SIRT1: variants seen among roughly 807,000 people sequenced by gnomAD.
SIRT1 encodes sirtuin 1.
SIRT1 carries 24 observed loss-of-function variants against 67.9 expected under a neutral mutation model. The observed-to-expected ratio is 0.35, with a 90% CI of 0.26 to 0.50. SIRT1 has a LOEUF of 0.50. Among genes scored for constraint, SIRT1 ranks in the 20% least tolerant of loss-of-function variants. The probability of loss-of-function intolerance (pLI) is 0.98; values close to 1 mark genes in which losing one functional copy is unlikely to be tolerated. For synonymous variants in SIRT1, 378 were observed against 350.7 expected (o/e 1.08, Z -0.87); for missense variants, 873 against 937.2 (o/e 0.93, Z 0.89).
At chr10:67,906,730 A>G (rs1842825536) in intron 4 of SIRT1, 60 bp from the exon 5 acceptor site, 3 of 1,510,854 alleles carry the variant, frequency 2.0e-6, no homozygotes, top group African/African-American at 1.4e-5. Context: ...TTTGTTAAAC[A>G]TATGACATCT....
intron 4 of SIRT1, 120 bp downstream of exon 4, chr10:67,891,674 C>T (rs561753733): frequency 3.6e-5 from 35 of 967,550 alleles, no homozygotes; most frequent in African/African-American, 3.4e-4. Flanking sequence ...GCTACTGTGG[C>T]GGAGTAAGAT....
intron 5 of SIRT1, among the ~76,000 whole-genome samples, chr10:67,907,236 T>G (rs1227373904): frequency 6.6e-6 from 1 of 152,234 alleles, no homozygotes; most frequent in Non-Finnish European, 1.5e-5. Flanking sequence ...GGCTCACGCC[T>G]GTAATCCTAG....
rs1370662731 is a variant in SIRT1 at position 67,917,157 on chromosome 10, AGT to A, written c.*568_*569del. 1 of 152,670 alleles carries A rather than the reference AGT, an allele frequency of 6.6e-6. No individual in the cohort carries two copies. The highest frequency in any genetic ancestry group is 2.4e-5 in the African/African-American group (1 of 41,460). The allele number at this position is 152,670 out of a possible 1,614,324, so 9.5% of individuals were successfully genotyped here. On this transcript the variant is annotated 3_prime_UTR_variant, in exon 9 of 9. Transcript: ENST00000212015. ...CTTTTTAAAATCTCAAATGACATGC[AGT>A]GTGAGTAGAAGGAAGTCAACAATAT...
chr10:67,912,415 G>GT (rs1842913670), intron 7 of SIRT1, 59 bp from the exon 8 acceptor site: 1 of 1,460,222 alleles, frequency 6.8e-7, no homozygotes, highest in Non-Finnish European at 9.2e-7. Context: ...ATCTGTTGTG[G>GT]TTTTATTAGC....
rs1469107789 is a variant in SIRT1, at chr10:67,885,111, G to A, written c.390G>A (p.Glu130=). 9.7e-6 allele frequency: 14 copies of A among 1,443,352 alleles called. No individual in the cohort carries two copies. In the East Asian group the frequency reaches 3.3e-4, roughly 34 times the overall value. 89.4% of individuals were successfully genotyped at this position (1,443,352 alleles called of 1,614,324 possible). ...ACGAAGACGACGACGACGAGGGCGA[G>A]GAGGAGGAAGAGGCGGCGGCGGCGG... ...LYDEDDDDEG[E]EEEEAAAAAI... The change falls in exon 1 of 9, where the codon GAG becomes GAA. Residue 130 remains glutamate, a synonymous_variant. Coordinates refer to ENST00000212015, the MANE Select transcript of SIRT1 (RefSeq NM_012238.5).
At chr10:67,904,855 AAAAAAGC>A (rs1410048160) in intron 4 of SIRT1, among the ~76,000 whole-genome samples, 1 of 152,092 alleles carries the variant, frequency 6.6e-6, no homozygotes, top group African/African-American at 2.4e-5. Context: ...AAAAAAAAAA[AAAAAAGC>A]AGGCTTATAA....
chr10:67,912,083 G>A (rs1031099677), intron 7 of SIRT1, among the ~76,000 whole-genome samples: 11 of 152,076 alleles, frequency 7.2e-5, no homozygotes, highest in African/African-American at 2.7e-4. Flanking sequence ...TATATCAGGA[G>A]CTACTTAAGT....
intron 7 of SIRT1, among the ~76,000 whole-genome samples, chr10:67,911,512 A>G (rs1466289210): frequency 6.6e-6 from 1 of 151,950 alleles, no homozygotes; most frequent in Non-Finnish European, 1.5e-5. Flanking sequence ...TTTTCTTTCA[A>G]AAGCTTTCTG....
intron 5 of SIRT1, 65 bp from the exon 6 acceptor site, chr10:67,907,981 T>C (rs1842846260): frequency 1.5e-6 from 2 of 1,320,448 alleles, no homozygotes; most frequent in Non-Finnish European, 2.2e-6. Flanking sequence ...TTTATAACGT[T>C]TGTGGTGTGT....
rs1842501538 is a variant in SIRT1, at chr10:67,887,450, A to T, written c.464A>T (p.Asn155Ile). 1 of 1,613,764 alleles carries T rather than the reference A, an allele frequency of 6.2e-7. No homozygotes were observed. The highest frequency in any genetic ancestry group is 8.5e-7 in the Non-Finnish European group (1 of 1,179,752). Reference protein sequence around the residue: ...NLLFGDEIITNGFHSCESDEE... With the variant: ...NLLFGDEIITIGFHSCESDEE... ...CTGTTCGGTGATGAAATTATCACTA[A>T]TGGTTTTCATTCCTGTGAAAGTGAT... is the stretch of plus-strand genomic sequence containing the variant. The change falls in exon 2 of 9, where the codon AAT becomes ATT. Residue 155 changes from asparagine to isoleucine, a missense_variant. Asn to Ile is a moderately radical substitution (Grantham distance 149, BLOSUM62 -3). Coordinates refer to ENST00000212015, the MANE Select transcript of SIRT1 (RefSeq NM_012238.5).
rs144564935 is a variant in SIRT1, at chr10:67,903,353, T to C, written c.943-3437T>C. 2.0e-3 allele frequency among the ~76,000 whole-genome samples: 300 copies of C among 151,944 alleles called. 2 individuals carry two copies. The highest frequency in any genetic ancestry group is 6.9e-3 in the African/African-American group (286 of 41,400). On this transcript the variant is annotated intron_variant, in intron 4 of 8. Transcript: ENST00000212015. ...GAAATTTGGAGAAGAAAGAAAGGCA[T>C]AATCTCTGCAGAAAAGCCATTATTT...
At chr10:67,914,349 C>T (rs182997902) in intron 8 of SIRT1, among the ~76,000 whole-genome samples, 36 of 152,114 alleles carry the variant, frequency 2.4e-4, no homozygotes, top group African/African-American at 7.2e-4. Context: ...GAATTACAGG[C>T]GTGAGCCACG....
chr10:67,889,154 A>G (rs770792172), intron 3 of SIRT1, 31 bp downstream of exon 3: 4 of 1,554,278 alleles, frequency 2.6e-6, no homozygotes, highest in Admixed American at 1.9e-5. Context: ...GGGAGGTCGT[A>G]TATGTATTTT....
chr10:67,885,287 T>G (rs1011259857), intron 1 of SIRT1, 136 bp downstream of exon 1: 2 of 1,242,742 alleles, frequency 1.6e-6, no homozygotes, highest in African/African-American at 3.1e-5. Context: ...GGCCCTCCGT[T>G]CAGCCGCGCT....
intron 4 of SIRT1, among the ~76,000 whole-genome samples, chr10:67,895,760 T>TTTTTTG (rs1459241769): frequency 7.3e-6 from 1 of 137,048 alleles, no homozygotes; most frequent in Non-Finnish European, 1.5e-5. Flanking sequence ...TTTTTTTTTT[T>TTTTTTG]GAGACAGTTT....
In SIRT1 at chr10:67,891,464, T is replaced by C; in HGVS notation, c.852T>C (p.Ala284=). 6.2e-7 allele frequency: 1 copy of C among 1,614,170 alleles called. No individual in the cohort carries two copies. Among genetic ancestry groups the C allele is most frequent in the Non-Finnish European group, 8.5e-7 (1 of 1,179,998 alleles). ...RSRDGIYARL[A]VDFPDLPDPQ... The stretch of plus-strand genomic sequence containing the variant: ...GGGATGGTATTTATGCTCGCCTTGC[T>C]GTAGACTTCCCAGATCTTCCAGATC... Residue 284 remains alanine, a synonymous_variant, in exon 4 of 9, where the codon GCT becomes GCC. Coordinates refer to ENST00000212015, the MANE Select transcript of SIRT1 (RefSeq NM_012238.5).
At chr10:67,895,742 T>TTTG (rs1842646423) in intron 4 of SIRT1, among the ~76,000 whole-genome samples, 1 of 88,906 alleles carries the variant, frequency 1.1e-5, no homozygotes, top group Non-Finnish European at 2.3e-5. Context: ...TGTTTTTTTT[T>TTTG]TTTTTGTTTT....
intron 3 of SIRT1, 100 bp downstream of exon 3, chr10:67,889,223 G>A: frequency 1.5e-6 from 2 of 1,319,674 alleles, no homozygotes; most frequent in Non-Finnish European, 2.0e-6. Context: ...ATCCTTACAT[G>A]ATAATGGATG....
intron 3 of SIRT1, among the ~76,000 whole-genome samples, chr10:67,890,068 C>G (rs1842545343): frequency 6.6e-6 from 1 of 151,732 alleles, no homozygotes. Flanking sequence ...CAGTCTCAGC[C>G]TCTCCTGGCC....
Sources: gnomAD v4.1 joint callset for allele counts (sites outside exome capture counted in the v4.1 genomes callset) on GRCh38, gnomAD v4.1.1 for gene constraint, MANE v1.5 for transcripts, NCBI Gene and HGNC (gene_info 2026-07-23, HGNC 2026-07-21) for gene names.